UGT8: variants seen among roughly 807,000 people sequenced by gnomAD.
UGT8 encodes UDP glycosyltransferase 8, also known as 2-hydroxyacylsphingosine 1-beta-galactosyltransferase.
UGT8 carries 12 observed loss-of-function variants against 40.5 expected under a neutral mutation model. That is an observed-to-expected ratio of 0.30 (90% CI 0.19 to 0.48). The LOEUF (loss-of-function observed/expected upper bound fraction) is 0.48. Among genes scored for constraint, UGT8 ranks in the 20% least tolerant of loss-of-function variants. The pLI is 0.99. For synonymous variants in UGT8, 224 were observed against 240.4 expected (o/e 0.93, Z 0.63); for missense variants, 513 against 648.7 (o/e 0.79, Z 2.27).
At chr4:114,663,811 G>C (rs753870189) in intron 2 of UGT8, 184 bp from the exon 3 acceptor site, 1 of 985,102 alleles carries the variant, frequency 1.0e-6, no homozygotes, top group South Asian at 4.7e-5. Flanking sequence ...CCTCATTTCA[G>C]TTAGCATTAT....
At chr4:114,675,032 C>T (rs573867413) in intron 5 of UGT8, among the ~76,000 whole-genome samples, 10 of 152,316 alleles carry the variant, frequency 6.6e-5, no homozygotes, top group Middle Eastern at 3.4e-3. Flanking sequence ...TACATATATA[C>T]ATGCATACAT....
In UGT8 at chr4:114,623,000, G is replaced by A. The variant is rs764180429; in HGVS notation, c.120G>A (p.Thr40=). 65 of 1,613,882 alleles carry A rather than the reference G, an allele frequency of 4.0e-5. No individual in the cohort carries two copies. The South Asian group carries it at 5.5e-4, about 14-fold the overall frequency. Residue 40 remains threonine, a synonymous_variant, in exon 2 of 6, where the codon ACG becomes ACA. Coordinates refer to ENST00000310836, the MANE Select transcript of UGT8 (RefSeq NM_001128174.3). ...AAAGCCATATGTACATTTTCAAGAC[G>A]CTAGCCTCAGCCTTGCACGAGAGAG... ...MFESHMYIFK[T]LASALHERGH...
intron 1 of UGT8, among the ~76,000 whole-genome samples, chr4:114,608,093 G>A (rs73846448): frequency 0.032 from 4,925 of 152,160 alleles, 246 homozygotes; most frequent in African/African-American, 0.11. Flanking sequence ...TGCTCAATAG[G>A]ATTCTATCCT....
At chr4:114,653,230 T>A (rs181243633) in intron 2 of UGT8, among the ~76,000 whole-genome samples, 39 of 152,234 alleles carry the variant, frequency 2.6e-4, no homozygotes, top group Admixed American at 6.5e-4. Flanking sequence ...TATATGCTAT[T>A]CATGCTCATA....
intron 1 of UGT8, among the ~76,000 whole-genome samples, chr4:114,610,071 T>G (rs1052273010): frequency 6.6e-6 from 1 of 152,184 alleles, no homozygotes; most frequent in Non-Finnish European, 1.5e-5. Context: ...TTTTGATTCA[T>G]GTATCACAGA....
chr4:114,643,363 C>T (rs1233748774), intron 2 of UGT8, among the ~76,000 whole-genome samples: 1 of 152,056 alleles, frequency 6.6e-6, no homozygotes, highest in East Asian at 1.9e-4. Context: ...CAGGACTGTC[C>T]TTTAAAAAAA....
intron 2 of UGT8, among the ~76,000 whole-genome samples, chr4:114,625,735 C>G (rs1732172147): frequency 6.6e-6 from 1 of 151,856 alleles, no homozygotes; most frequent in Non-Finnish European, 1.5e-5. Flanking sequence ...GTCATGGATT[C>G]CTCTGCACAC....
chr4:114,665,840 G>GTATGTAT (rs1276499775), intron 4 of UGT8, 84 bp downstream of exon 4: 10 of 1,052,180 alleles, frequency 9.5e-6, no homozygotes, highest in African/African-American at 1.6e-5. Flanking sequence ...TTACTTCAGA[G>GTATGTAT]GTTCATACGG....
At chr4:114,646,521 ATT>A (rs1320059292) in intron 2 of UGT8, among the ~76,000 whole-genome samples, 1 of 152,148 alleles carries the variant, frequency 6.6e-6, no homozygotes, top group Non-Finnish European at 1.5e-5. Context: ...GAAAAAAATT[ATT>A]TTCCAAAAGT....
intron 2 of UGT8, among the ~76,000 whole-genome samples, chr4:114,635,797 T>C (rs1057327521): frequency 1.3e-5 from 2 of 152,174 alleles, no homozygotes; most frequent in Non-Finnish European, 2.9e-5. Flanking sequence ...AGAGCAGAAA[T>C]GTATTCTGAT....
At chr4:114,624,654 C>T (rs1463796094) in intron 2 of UGT8, among the ~76,000 whole-genome samples, 1 of 152,098 alleles carries the variant, frequency 6.6e-6, no homozygotes, top group Non-Finnish European at 1.5e-5. Flanking sequence ...AAGAGTAAAT[C>T]CAGATTTTCT....
chr4:114,674,452 T>C (rs80253942), intron 5 of UGT8, among the ~76,000 whole-genome samples: 96 of 152,294 alleles, frequency 6.3e-4, no homozygotes, highest in Middle Eastern at 3.4e-3. Context: ...ACCATTTTTT[T>C]AGTCAGTCTC....
intron 2 of UGT8, among the ~76,000 whole-genome samples, chr4:114,645,959 C>G (rs1733543909): frequency 6.6e-6 from 1 of 152,052 alleles, no homozygotes; most frequent in African/African-American, 2.4e-5. Flanking sequence ...CATTTTTAAG[C>G]AGGAAGTCAG....
At chr4:114,599,879 G>T (rs2126080474) in intron 1 of UGT8, among the ~76,000 whole-genome samples, 1 of 152,248 alleles carries the variant, frequency 6.6e-6, no homozygotes, top group East Asian at 1.9e-4. Flanking sequence ...TGAGGAGGTG[G>T]GCGGGGTACC....
chr4:114,657,414 T>G (rs1734256165), intron 2 of UGT8, among the ~76,000 whole-genome samples: 1 of 152,146 alleles, frequency 6.6e-6, no homozygotes, highest in Admixed American at 6.6e-5. Flanking sequence ...GAACTTTCAC[T>G]GTGTTGAAGG....
intron 1 of UGT8, among the ~76,000 whole-genome samples, chr4:114,615,368 T>A (rs916367959): frequency 6.6e-6 from 1 of 152,146 alleles, no homozygotes; most frequent in Non-Finnish European, 1.5e-5. Context: ...GTATGTTAAG[T>A]CAAAGCAATA....
At chr4:114,654,568 C>G (rs1734063373) in intron 2 of UGT8, among the ~76,000 whole-genome samples, 2 of 152,200 alleles carry the variant, frequency 1.3e-5, no homozygotes, top group East Asian at 3.9e-4. Flanking sequence ...CAGGCTTGTT[C>G]AGTCTCATGT....
chr4:114,629,271 G>A (rs2126103860), intron 2 of UGT8, among the ~76,000 whole-genome samples: 1 of 152,230 alleles, frequency 6.6e-6, no homozygotes, highest in South Asian at 2.1e-4. Context: ...ACAATGTTTA[G>A]AAGAGACTAA....
chr4:114,661,581 C>T (rs1734541739), intron 2 of UGT8, among the ~76,000 whole-genome samples: 1 of 152,198 alleles, frequency 6.6e-6, no homozygotes, highest in African/African-American at 2.4e-5. Context: ...CAAAATCCAA[C>T]CCCTTCAATG....
Sources: allele counts gnomAD v4.1 joint callset (sites outside exome capture counted in the v4.1 genomes callset), GRCh38; gene constraint gnomAD v4.1.1; transcripts MANE v1.5; gene names NCBI Gene and HGNC (gene_info 2026-07-23, HGNC 2026-07-21).